PLXNA4: variants seen among roughly 807,000 people sequenced by gnomAD.
PLXNA4 encodes plexin A4, also known as plexin-A4.
PLXNA4 carries 44 observed loss-of-function variants against 191.8 expected under a neutral mutation model. The ratio of observed to expected loss-of-function variants is 0.23; its 90% CI spans 0.18 to 0.29. The LOEUF (loss-of-function observed/expected upper bound fraction) is 0.29. Among genes scored for constraint, PLXNA4 ranks in the 10% least tolerant of loss-of-function variants. The probability of loss-of-function intolerance (pLI) is 1.00; values close to 1 mark genes in which losing one functional copy is unlikely to be tolerated. For missense variants in PLXNA4, 1,800 were observed against 2,488.8 expected, an observed-to-expected ratio of 0.72 and a Z score of 5.89; for synonymous variants, 1,082 against 1,009.5, an observed-to-expected ratio of 1.07 and a Z score of -1.36.
intron 1 of PLXNA4, among the ~76,000 whole-genome samples, chr7:132,532,450 T>C (rs1799656030): frequency 6.6e-6 from 1 of 152,234 alleles, no homozygotes; most frequent in Non-Finnish European, 1.5e-5. Flanking sequence ...GGTCACTTCC[T>C]CTTTATTCTT....
chr7:132,393,769 T>C (rs1056921381), intron 3 of PLXNA4, among the ~76,000 whole-genome samples: 2 of 152,050 alleles, frequency 1.3e-5, no homozygotes, highest in East Asian at 1.9e-4. Context: ...AAACTGGACA[T>C]TTAGAGGCTT....
chr7:132,512,689 C>T (rs140528655), intron 1 of PLXNA4, among the ~76,000 whole-genome samples: 1 of 152,328 alleles, frequency 6.6e-6, no homozygotes, highest in Non-Finnish European at 1.5e-5. Flanking sequence ...TTGGGACCCA[C>T]AGATATGCAG....
At chr7:132,177,994 C>T (rs1318063276) in intron 20 of PLXNA4, among the ~76,000 whole-genome samples, 1 of 152,188 alleles carries the variant, frequency 6.6e-6, no homozygotes, top group African/African-American at 2.4e-5. Context: ...AGAACCAGCT[C>T]AGATCCTCCC....
intron 3 of PLXNA4, among the ~76,000 whole-genome samples, chr7:132,347,275 G>C (rs1399050052): frequency 6.6e-6 from 1 of 152,150 alleles, no homozygotes; most frequent in Admixed American, 6.5e-5. Flanking sequence ...AGGTTGCTGG[G>C]AAGAGCTCAA....
intron 1 of PLXNA4, among the ~76,000 whole-genome samples, chr7:132,647,128 CACTG>C (rs1052593829): frequency 5.3e-5 from 8 of 152,028 alleles, no homozygotes; most frequent in Non-Finnish European, 7.4e-5. Context: ...CTCACACATA[CACTG>C]ACTTACACAC....
chr7:132,316,628 G>T (rs1378032938), intron 3 of PLXNA4, among the ~76,000 whole-genome samples: 2 of 152,196 alleles, frequency 1.3e-5, no homozygotes, highest in African/African-American at 4.8e-5. Flanking sequence ...GGTTTGGGAA[G>T]TGTCCTTAGG....
intron 3 of PLXNA4, among the ~76,000 whole-genome samples, chr7:132,429,354 C>A (rs1219077533): frequency 6.6e-6 from 1 of 152,092 alleles, no homozygotes; most frequent in Non-Finnish European, 1.5e-5. Context: ...ATAGGAAGAA[C>A]TTTGCCCTCT....
At chr7:132,513,309 T>C (rs1438462832) in intron 1 of PLXNA4, among the ~76,000 whole-genome samples, 1 of 152,200 alleles carries the variant, frequency 6.6e-6, no homozygotes, top group Non-Finnish European at 1.5e-5. Context: ...GTTTACAAAG[T>C]GTTTTCATGG....
At chr7:132,495,319 G>A (rs746717244) in intron 2 of PLXNA4, among the ~76,000 whole-genome samples, 8 of 152,202 alleles carry the variant, frequency 5.3e-5, no homozygotes, top group Admixed American at 1.3e-4. Context: ...TGAGGTGAAG[G>A]TCAGCAGGTC....
At chr7:132,599,650 G>C (rs1046602870) in intron 2 of PLXNA4, among the ~76,000 whole-genome samples, 1 of 151,000 alleles carries the variant, frequency 6.6e-6, no homozygotes, top group African/African-American at 2.4e-5. Flanking sequence ...ATAACACTTT[G>C]ATCTCTTCCT....
rs1348330497 is a variant in PLXNA4, at chr7:132,534,226, C to T, written c.-86-25447G>A. On this transcript the variant is annotated intron_variant, in intron 1 of 31. Coordinates refer to ENST00000321063, the MANE Select transcript of PLXNA4 (RefSeq NM_020911.2). ...AGGATACAAGACTACTTGGCTGGAA[C>T]AGGGATACCTGGTGAGAAATCCAAT... 2.0e-5 allele frequency among the ~76,000 whole-genome samples: 3 copies of T among 152,170 alleles called. 1 individual carries two copies. In the East Asian group the frequency reaches 5.8e-4, roughly 29 times the overall value.
At chr7:132,344,937 T>C (rs902870257) in intron 3 of PLXNA4, among the ~76,000 whole-genome samples, 16 of 152,186 alleles carry the variant, frequency 1.1e-4, no homozygotes. Context: ...TGCTGTGGAC[T>C]AGCAGTGCCC....
intron 2 of PLXNA4, among the ~76,000 whole-genome samples, chr7:132,583,791 G>A (rs1200839681): frequency 3.9e-5 from 6 of 152,168 alleles, no homozygotes; most frequent in African/African-American, 1.4e-4. Context: ...ACGCACGCCT[G>A]CTGACTGTAA....
rs78686327 is a variant in PLXNA4, at chr7:132,354,293, C to T, written c.1372-56071G>A. ...ACAAACATGTATCCCTGTGAACTCACGGTACTCACAATTTAGCCAGGAGGA... is the reference window on the plus strand; with the variant it reads ...ACAAACATGTATCCCTGTGAACTCATGGTACTCACAATTTAGCCAGGAGGA... On this transcript the variant is annotated intron_variant, in intron 3 of 31. Coordinates refer to ENST00000321063, the MANE Select transcript of PLXNA4 (RefSeq NM_020911.2). Among the ~76,000 whole-genome samples, 862 of 152,248 alleles carry T rather than the reference C, an allele frequency of 5.7e-3. 11 individuals carry two copies. Among genetic ancestry groups the T allele is most frequent in the African/African-American group, 0.02 (813 of 41,536 alleles).
intron 4 of PLXNA4, among the ~76,000 whole-genome samples, chr7:132,282,992 T>A (rs113594935): frequency 0.037 from 5,599 of 151,160 alleles, 120 homozygotes; most frequent in African/African-American, 0.05. Flanking sequence ...TCCTCCCACC[T>A]CAGCCCCCCC....
At chr7:132,455,573 GT>G (rs1796283999) in intron 3 of PLXNA4, among the ~76,000 whole-genome samples, 1 of 152,214 alleles carries the variant, frequency 6.6e-6, no homozygotes, top group Non-Finnish European at 1.5e-5. Context: ...CTTCCTGTCT[GT>G]TGGGAGCCCG....
chr7:132,210,213 AAG>A (rs968112828), intron 10 of PLXNA4, among the ~76,000 whole-genome samples: 2 of 152,186 alleles, frequency 1.3e-5, no homozygotes, highest in African/African-American at 2.4e-5. Context: ...CCCAGAAAGA[AAG>A]AGAGAGACCA....
chr7:132,265,259 A>G (rs1223474902), intron 4 of PLXNA4, among the ~76,000 whole-genome samples: 1 of 152,228 alleles, frequency 6.6e-6, no homozygotes, highest in Admixed American at 6.5e-5. Flanking sequence ...TTTCAAAACC[A>G]TTCTAAGCAT....
rs1037725095 is a variant in PLXNA4 at position 132,256,699 on chromosome 7, C to T, written c.1504-15533G>A. Among the ~76,000 whole-genome samples the T allele has an allele frequency of 4.5e-4, 69 of 152,184 alleles. 1 individual carries two copies. The highest frequency in any genetic ancestry group is 7.3e-5 in the Non-Finnish European group (5 of 68,028). On this transcript the variant is annotated intron_variant, in intron 4 of 31. Transcript: ENST00000321063. ...AAAATCAAAATTCCCAGGAGCTGGG[C>T]ATCTGTATTTTCTCAAGGCCCTGTA...
Sources: allele counts gnomAD v4.1 joint callset (sites outside exome capture counted in the v4.1 genomes callset), GRCh38; gene constraint gnomAD v4.1.1; transcripts MANE v1.5; gene names NCBI Gene and HGNC (gene_info 2026-07-23, HGNC 2026-07-21).